Variants in ZBTB8OS observed in about 807,000 individuals in gnomAD.
ZBTB8OS encodes the protein tRNA splicing ligase complex subunit 1, also known as tRNA-splicing ligase-activating factor archease.
ZBTB8OS carries 16 observed loss-of-function variants against 29.3 expected under a neutral mutation model. The observed-to-expected ratio is 0.55, with a 90% CI of 0.37 to 0.83. The LOEUF (loss-of-function observed/expected upper bound fraction) is 0.83. Ranked by LOEUF, ZBTB8OS falls within the 40% of genes least tolerant of loss-of-function variation. ZBTB8OS has a pLI of 0.00. For synonymous variants in ZBTB8OS, 70 were observed against 64.6 expected (o/e 1.08, Z -0.40); for missense variants, 160 against 196.9 (o/e 0.81, Z 1.12).
At chr1:32,649,709 G>C (rs1204526569) in intron 1 of ZBTB8OS, among the ~76,000 whole-genome samples, 1 of 149,230 alleles carries the variant, frequency 6.7e-6, no homozygotes. Flanking sequence ...TCGTTGCCCA[G>C]GCTGGAGTGC....
chr1:32,620,915 T>C lies in ZBTB8OS; in HGVS notation c.*947A>G, dbSNP rs544476172. On this transcript the variant is annotated 3_prime_UTR_variant, in exon 7 of 7. Coordinates refer to ENST00000468695, the MANE Select transcript of ZBTB8OS (RefSeq NM_178547.5). ...GAAGGAAAGGTCTCTTTGTAAGGCATAGTATTGACTTTTTCTTATGAGAAA... is the reference window on the plus strand; with the variant it reads ...GAAGGAAAGGTCTCTTTGTAAGGCACAGTATTGACTTTTTCTTATGAGAAA... 6 of 152,236 alleles carry C rather than the reference T, an allele frequency of 3.9e-5. No individual in the cohort carries two copies. The highest frequency in any genetic ancestry group is 2.0e-4 in the Admixed American group (3 of 15,282). 9.4% of individuals were successfully genotyped at this position (152,236 alleles called of 1,614,324 possible).
intron 2 of ZBTB8OS, 88 bp from the exon 3 acceptor site, chr1:32,634,160 T>A: frequency 8.1e-7 from 1 of 1,228,922 alleles, no homozygotes; most frequent in East Asian, 2.7e-5. Context: ...AAATTCAGTA[T>A]GATAAATACA....
intron 1 of ZBTB8OS, among the ~76,000 whole-genome samples, chr1:32,643,545 G>A (rs1022224704): frequency 9.9e-5 from 15 of 151,484 alleles, no homozygotes; most frequent in African/African-American, 3.6e-4. Flanking sequence ...GCCCAGGCTG[G>A]AGTGCAGTGG....
chr1:32,637,129 TAAA>T (rs1336117599), intron 1 of ZBTB8OS, among the ~76,000 whole-genome samples: 1 of 152,030 alleles, frequency 6.6e-6, no homozygotes, highest in African/African-American at 2.4e-5. Context: ...CCTCTCCCTT[TAAA>T]ATGCCCAGTC....
rs149447473 is a variant in ZBTB8OS at position 32,633,964 on chromosome 1, T to C, written c.231A>G (p.Glu77=). 97 of 1,583,302 alleles carry C rather than the reference T, an allele frequency of 6.1e-5. No individual in the cohort carries two copies. The highest frequency in any genetic ancestry group is 1.8e-4 in the Middle Eastern group (1 of 5,520). The change falls in exon 3 of 7, where the codon GAA becomes GAG. Residue 77 remains glutamate, a synonymous_variant. Transcript: ENST00000468695. The part of the protein sequence containing the change: ...TGTVEPLQTV[E]VETQGDDLQS... ...TAAATCATTTACCTTGGGTTTCTAC[T>C]TCTACTGTTTGGAGGGGCTCCACTG... is the stretch of plus-strand genomic sequence containing the variant.
intron 6 of ZBTB8OS, among the ~76,000 whole-genome samples, 178 bp from the exon 7 acceptor site, chr1:32,622,126 A>C (rs1644798089): frequency 6.6e-6 from 1 of 152,226 alleles, no homozygotes; most frequent in African/African-American, 2.4e-5. Flanking sequence ...AAGAAAAATG[A>C]GAGGCAACAC....
At chr1:32,647,910 C>A (rs1400230029) in intron 1 of ZBTB8OS, among the ~76,000 whole-genome samples, 1 of 152,076 alleles carries the variant, frequency 6.6e-6, no homozygotes, top group Non-Finnish European at 1.5e-5. Flanking sequence ...CCCTACAACC[C>A]CCGTTGGTGG....
chr1:32,622,208 G>C (rs1644805424), intron 6 of ZBTB8OS, among the ~76,000 whole-genome samples: 1 of 152,112 alleles, frequency 6.6e-6, no homozygotes, highest in Admixed American at 6.6e-5. Context: ...GAAATTGTCT[G>C]GCCTGTCTGG....
intron 1 of ZBTB8OS, among the ~76,000 whole-genome samples, chr1:32,646,545 G>A (rs1646849002): frequency 1.3e-5 from 2 of 151,060 alleles, no homozygotes; most frequent in South Asian, 2.1e-4. Context: ...CCGCCACCTC[G>A]CCCGGCTAAT....
intron 6 of ZBTB8OS, among the ~76,000 whole-genome samples, chr1:32,622,558 C>T (rs138025292): frequency 1.5e-3 from 226 of 152,082 alleles, no homozygotes; most frequent in African/African-American, 5.1e-3. Flanking sequence ...AACAAGACAC[C>T]GGGTCTATTT....
chr1:32,640,309 TCA>T, intron 1 of ZBTB8OS, among the ~76,000 whole-genome samples: 1 of 152,130 alleles, frequency 6.6e-6, no homozygotes, highest in East Asian at 1.9e-4. Context: ...ACCATGTTAG[TCA>T]GACTGGTCTC....
At chr1:32,635,470 C>A (rs955009185) in intron 1 of ZBTB8OS, among the ~76,000 whole-genome samples, 1 of 152,088 alleles carries the variant, frequency 6.6e-6, no homozygotes, top group Admixed American at 6.6e-5. Context: ...TGGGGTTTCA[C>A]CATGTTGGCC....
At chr1:32,648,406 A>G (rs947550078) in intron 1 of ZBTB8OS, among the ~76,000 whole-genome samples, 4 of 152,346 alleles carry the variant, frequency 2.6e-5, no homozygotes, top group Admixed American at 1.3e-4. Flanking sequence ...CACATGTACA[A>G]AACAGTGGAT....
intron 1 of ZBTB8OS, among the ~76,000 whole-genome samples, chr1:32,646,840 C>A (rs1463251425): frequency 6.9e-6 from 1 of 144,294 alleles, no homozygotes; most frequent in Non-Finnish European, 1.5e-5. Context: ...AGTTCAAGAC[C>A]ATCCTGGCCA....
chr1:32,622,919 A>G (rs891411252), intron 6 of ZBTB8OS, among the ~76,000 whole-genome samples: 2 of 151,980 alleles, frequency 1.3e-5, no homozygotes, highest in African/African-American at 4.8e-5. Flanking sequence ...CACTCACTTC[A>G]CCTCTTGGGA....
intron 1 of ZBTB8OS, among the ~76,000 whole-genome samples, chr1:32,638,561 A>C (rs528484500): frequency 2.2e-4 from 33 of 152,254 alleles, no homozygotes; most frequent in African/African-American, 7.0e-4. Flanking sequence ...TATATCTGTC[A>C]ATGACCATAC....
chr1:32,649,400 G>A (rs1163283062), intron 1 of ZBTB8OS, among the ~76,000 whole-genome samples: 1 of 152,102 alleles, frequency 6.6e-6, no homozygotes, highest in African/African-American at 2.4e-5. Context: ...AGAAATTAAT[G>A]AAAGATTTTA....
intron 6 of ZBTB8OS, among the ~76,000 whole-genome samples, chr1:32,623,642 CAA>C (rs924025950): frequency 2.0e-5 from 3 of 152,160 alleles, no homozygotes; most frequent in African/African-American, 7.2e-5. Flanking sequence ...CAAATTTTAC[CAA>C]AGAGGCTGTG....
At chr1:32,647,696 G>A (rs946632462) in intron 1 of ZBTB8OS, among the ~76,000 whole-genome samples, 1 of 152,176 alleles carries the variant, frequency 6.6e-6, no homozygotes, top group Non-Finnish European at 1.5e-5. Context: ...TCTAGGCTGT[G>A]TGCTCCTTAT....
Sources: gnomAD v4.1 joint callset for allele counts (sites outside exome capture counted in the v4.1 genomes callset) on GRCh38, gnomAD v4.1.1 for gene constraint, MANE v1.5 for transcripts, NCBI Gene and HGNC (gene_info 2026-07-23, HGNC 2026-07-21) for gene names.